The following CNBD1 variants were observed in gnomAD, a reference collection of about 807,000 sequenced individuals.
CNBD1 encodes cyclic nucleotide binding domain containing 1.
Under a neutral mutation model 54.4 loss-of-function variants are expected in CNBD1, and 71 were observed. The observed-to-expected ratio is 1.30, with a 90% confidence interval of 1.08 to 1.59. CNBD1 has a LOEUF of 1.59. Ranked by LOEUF, CNBD1 falls within the 40% of genes most tolerant of loss-of-function variation. The pLI is 0.00. For synonymous variants in CNBD1, 182 were observed against 170.7 expected (o/e 1.07, Z -0.51); for missense variants, 659 against 518.0 (o/e 1.27, Z -2.64).
At chr8:87,408,610 C>T (rs982340527) in intron 2 of CNBD1, among the ~76,000 whole-genome samples, 1 of 152,068 alleles carries the variant, frequency 6.6e-6, no homozygotes, top group South Asian at 2.1e-4. Flanking sequence ...GTTTATCGTG[C>T]TTCATTATAT....
chr8:86,969,189 T>C (rs1302631152), intron 4 of CNBD1, among the ~76,000 whole-genome samples: 2 of 152,322 alleles, frequency 1.3e-5, no homozygotes, highest in Non-Finnish European at 2.9e-5. Flanking sequence ...TTCTTTTAAA[T>C]GTTATGTTTG....
chr8:86,949,060 A>T (rs1043159267), intron 4 of CNBD1, among the ~76,000 whole-genome samples: 2 of 152,074 alleles, frequency 1.3e-5, no homozygotes, highest in African/African-American at 4.8e-5. Context: ...AGCTCACTGT[A>T]TATATATGGA....
intron 4 of CNBD1, among the ~76,000 whole-genome samples, chr8:87,145,594 A>C (rs1013076962): frequency 6.6e-6 from 1 of 152,216 alleles, no homozygotes; most frequent in Admixed American, 6.5e-5. Context: ...ACAAAAGGAA[A>C]GAGAATAATG....
chr8:87,386,161 G>A, downstream of CNBD1, among the ~76,000 whole-genome samples: 1 of 152,118 alleles, frequency 6.6e-6, no homozygotes, highest in South Asian at 2.1e-4. Flanking sequence ...CAAAGTTGGG[G>A]AAAAAACAGA....
chr8:87,077,365 G>A (rs1376989722), intron 4 of CNBD1, among the ~76,000 whole-genome samples: 1 of 151,170 alleles, frequency 6.6e-6, no homozygotes, highest in Admixed American at 6.6e-5. Context: ...GGCCTCACAT[G>A]GCAGAAAGAC....
At chr8:87,385,540 C>A (rs1310141963), downstream of CNBD1, among the ~76,000 whole-genome samples, 1 of 152,048 alleles carries the variant, frequency 6.6e-6, no homozygotes, top group Non-Finnish European at 1.5e-5. Context: ...AGTCTGAGAT[C>A]AAACTGCAAG....
At chr8:87,337,017 C>T (rs1328138040) in intron 8 of CNBD1, among the ~76,000 whole-genome samples, 2 of 152,216 alleles carry the variant, frequency 1.3e-5, no homozygotes, top group African/African-American at 2.4e-5. Flanking sequence ...AGTTTACTCC[C>T]ACACATTGAG....
chr8:87,349,258 T>C (rs1810234666), intron 8 of CNBD1, among the ~76,000 whole-genome samples: 1 of 152,180 alleles, frequency 6.6e-6, no homozygotes, highest in Non-Finnish European at 1.5e-5. Flanking sequence ...ATGGAAAACA[T>C]GATCAGAGGC....
At chr8:87,281,915 T>G (rs1214923475) in intron 6 of CNBD1, among the ~76,000 whole-genome samples, 1 of 151,420 alleles carries the variant, frequency 6.6e-6, no homozygotes, top group Non-Finnish European at 1.5e-5. Context: ...ATTGAGCAGG[T>G]TTCTTTTGTG....
chr8:87,167,724 A>G (rs1360872506), intron 4 of CNBD1, among the ~76,000 whole-genome samples: 1 of 151,966 alleles, frequency 6.6e-6, no homozygotes, highest in Non-Finnish European at 1.5e-5. Flanking sequence ...AATTTTTATT[A>G]AGAGGTTTTA....
chr8:87,106,681 A>G (rs1041136619), intron 4 of CNBD1, among the ~76,000 whole-genome samples: 3 of 152,088 alleles, frequency 2.0e-5, no homozygotes, highest in Non-Finnish European at 4.4e-5. Context: ...TTGAGCTTCC[A>G]TGATAAGAAT....
intron 4 of CNBD1, among the ~76,000 whole-genome samples, chr8:86,957,089 G>A (rs180679735): frequency 3.3e-5 from 5 of 152,104 alleles, no homozygotes; most frequent in African/African-American, 7.2e-5. Flanking sequence ...TGAAATAATC[G>A]TGTGTTTTGT....
At chr8:87,092,528 T>TACAC in intron 4 of CNBD1, among the ~76,000 whole-genome samples, 1 of 140,024 alleles carries the variant, frequency 7.1e-6, no homozygotes, top group African/African-American at 2.7e-5. Context: ...TGTGTGTGTA[T>TACAC]GTATGTATGT....
At chr8:86,917,906 A>G in intron 3 of CNBD1, among the ~76,000 whole-genome samples, 1 of 152,322 alleles carries the variant, frequency 6.6e-6, no homozygotes, top group South Asian at 2.1e-4. Context: ...ATACTTTTTC[A>G]AATTAGTGAG....
chr8:87,395,642 G>A (rs1379169671), intron 2 of CNBD1, among the ~76,000 whole-genome samples: 2 of 151,814 alleles, frequency 1.3e-5, no homozygotes, highest in Non-Finnish European at 2.9e-5. Flanking sequence ...AGTAGAGGGG[G>A]TGGTATCACA....
intron 4 of CNBD1, among the ~76,000 whole-genome samples, chr8:87,062,816 G>A (rs897829678): frequency 4.3e-4 from 66 of 151,888 alleles, no homozygotes; most frequent in African/African-American, 1.5e-3. Context: ...ATGGGGCTTT[G>A]GTTAAAAGTA....
At chr8:87,223,230 T>TTTTATTTA (rs201362606) in intron 5 of CNBD1, among the ~76,000 whole-genome samples, 24 of 149,624 alleles carry the variant, frequency 1.6e-4, no homozygotes, top group African/African-American at 5.7e-4. Flanking sequence ...TTTTTTTAAT[T>TTTTATTTA]TTTATTTATT....
At chr8:87,325,397 G>T (rs1237076153) in intron 8 of CNBD1, among the ~76,000 whole-genome samples, 2 of 87,790 alleles carry the variant, frequency 2.3e-5, no homozygotes, top group Admixed American at 1.0e-4. Flanking sequence ...AATGTTGACA[G>T]TGGGGTGTTA....
intron 4 of CNBD1, among the ~76,000 whole-genome samples, chr8:87,133,488 T>C (rs73263915): frequency 0.026 from 3,992 of 152,282 alleles, 192 homozygotes; most frequent in African/African-American, 0.088. Context: ...CTACAATAAA[T>C]TACCATAAGG....
Sources: allele counts gnomAD v4.1 joint callset (sites outside exome capture counted in the v4.1 genomes callset), GRCh38; gene constraint gnomAD v4.1.1; transcripts MANE v1.5; gene names NCBI Gene and HGNC (gene_info 2026-07-23, HGNC 2026-07-21).